The following CRYBA4 variants were observed in gnomAD, a reference collection of about 807,000 sequenced individuals.
The protein encoded by CRYBA4 is crystallin beta A4.
CRYBA4 carries 30 observed loss-of-function variants against 31.7 expected under a neutral mutation model. That is an observed-to-expected ratio of 0.95 (90% CI 0.71 to 1.28). CRYBA4 has a LOEUF of 1.28. Among genes scored for constraint, CRYBA4 ranks in the 50% most tolerant of loss-of-function variants. CRYBA4 has a pLI of 0.00. For synonymous variants in CRYBA4, 102 were observed against 102.3 expected, an observed-to-expected ratio of 1.00 and a Z score of 0.02; for missense variants, 225 against 260.7, an observed-to-expected ratio of 0.86 and a Z score of 0.94.
chr22:26,627,704 A>T (rs1206492971), intron 4 of CRYBA4, among the ~76,000 whole-genome samples: 1 of 147,366 alleles, frequency 6.8e-6, no homozygotes, highest in Non-Finnish European at 1.5e-5. Context: ...GCTGGAGTGC[A>T]ATGCCACAAT....
chr22:26,623,337 A>G lies in CRYBA4; in HGVS notation c.143A>G (p.Lys48Arg). 6.2e-7 allele frequency: 1 copy of G among 1,613,838 alleles called. No individual in the cohort carries two copies. The highest frequency in any genetic ancestry group is 8.5e-7 in the Non-Finnish European group (1 of 1,179,808). Reference protein sequence around the residue: ...ELGFETVRSLKVLSGAWVGFE... With the variant: ...ELGFETVRSLRVLSGAWVGFE... ...GGCTTCGAGACTGTGCGATCTTTGAAAGTGCTGAGTGGAGCGTGAGTCTAG... is the reference window on the plus strand; with the variant it reads ...GGCTTCGAGACTGTGCGATCTTTGAGAGTGCTGAGTGGAGCGTGAGTCTAG... The change falls in exon 3 of 6, where the codon AAA (lysine) becomes AGA (arginine). Residue 48 changes from lysine (K) to arginine (R), a missense_variant. Transcript: ENST00000354760.
chr22:26,612,597 C>G, the CRYBA4 span, among the ~76,000 whole-genome samples: 1 of 152,198 alleles, frequency 6.6e-6, no homozygotes, highest in East Asian at 1.9e-4. Context: ...AAATGATTGG[C>G]CTGCCTTGGC....
the CRYBA4 span, chr22:26,612,305 CCA>C: frequency 2.3e-5 from 16 of 708,092 alleles, no homozygotes; most frequent in Non-Finnish European, 4.1e-5. Flanking sequence ...GTGTGATGAG[CCA>C]CAGTTTGTGA....
chr22:26,622,253 T>G (rs1467390516), intron 1 of CRYBA4, among the ~76,000 whole-genome samples: 1 of 152,164 alleles, frequency 6.6e-6, no homozygotes, highest in Non-Finnish European at 1.5e-5. Flanking sequence ...GGCTCTCTTA[T>G]GCTGAGCATT....
rs752825164 is a variant in CRYBA4 at position 26,630,470 on chromosome 22, C to T, written c.574C>T (p.Arg192Cys). ...HAPTFQVQSI[R>C]RIQQ is the part of the protein sequence containing the mutation. ...CCCGACCTTCCAGGTGCAGAGCATC[C>T]GCAGGATCCAGCAGTGAACAGGGGT... Residue 192 changes from arginine to cysteine, a missense_variant, in exon 6 of 6, where the codon CGC (arginine) becomes TGC (cysteine). By Grantham distance (180) the Arg-to-Cys change is radical (BLOSUM62 -3). Transcript: ENST00000354760. 8.1e-6 allele frequency: 13 copies of T among 1,613,780 alleles called. No homozygotes were observed. Among genetic ancestry groups the T allele is most frequent in the South Asian group, 3.3e-5 (3 of 91,036 alleles).
chr22:26,613,602 C>T, the CRYBA4 span, among the ~76,000 whole-genome samples: 3 of 152,218 alleles, frequency 2.0e-5, no homozygotes, highest in Admixed American at 2.0e-4. Context: ...TTGTGCTTTC[C>T]TATGCCTGTC....
chr22:26,607,360 C>A, the CRYBA4 span, among the ~76,000 whole-genome samples: 1 of 151,948 alleles, frequency 6.6e-6, no homozygotes, highest in Admixed American at 6.6e-5. Context: ...GATCTGCAAC[C>A]AGCATGTTTG....
chr22:26,617,240 T>C (rs1354416854), upstream of CRYBA4, among the ~76,000 whole-genome samples: 1 of 152,178 alleles, frequency 6.6e-6, no homozygotes, highest in Non-Finnish European at 1.5e-5. Flanking sequence ...TTTGGGGTCG[T>C]GGACTCCTTT....
At chr22:26,626,610 T>A (rs1217086501) in intron 4 of CRYBA4, among the ~76,000 whole-genome samples, 2 of 152,190 alleles carry the variant, frequency 1.3e-5, no homozygotes, top group Non-Finnish European at 2.9e-5. Flanking sequence ...ATTTTGAATA[T>A]TTTCCCCAGA....
intron 5 of CRYBA4, among the ~76,000 whole-genome samples, chr22:26,629,516 C>T (rs1321203399): frequency 3.3e-5 from 5 of 151,662 alleles, no homozygotes; most frequent in Non-Finnish European, 5.9e-5. Flanking sequence ...CTGAGGTGGG[C>T]GGATCACCTG....
At chr22:26,620,613 C>T (rs1161275337), upstream of CRYBA4, among the ~76,000 whole-genome samples, 1 of 129,422 alleles carries the variant, frequency 7.7e-6, no homozygotes, top group African/African-American at 3.0e-5. Context: ...CACCCAGGGT[C>T]AAGAGAAATG....
At chr22:26,601,582 G>A in the CRYBA4 span, among the ~76,000 whole-genome samples, 3 of 144,268 alleles carry the variant, frequency 2.1e-5, no homozygotes, top group Non-Finnish European at 4.6e-5. Flanking sequence ...CATCAGCGCC[G>A]GCCCTTTTAG....
upstream of CRYBA4, among the ~76,000 whole-genome samples, chr22:26,619,643 C>T (rs1929469071): frequency 6.6e-6 from 1 of 152,254 alleles, no homozygotes; most frequent in African/African-American, 2.4e-5. Flanking sequence ...CACCACCCAG[C>T]ACCCCCTCGC....
chr22:26,602,368 G>C, the CRYBA4 span, among the ~76,000 whole-genome samples: 1 of 152,088 alleles, frequency 6.6e-6, no homozygotes, highest in Non-Finnish European at 1.5e-5. Flanking sequence ...AGGACTGCTT[G>C]AGGCCAAGGG....
At chr22:26,625,666 C>T (rs1929683418) in intron 4 of CRYBA4, 44 bp downstream of exon 4, 1 of 1,597,728 alleles carries the variant, frequency 6.3e-7, no homozygotes, top group Non-Finnish European at 8.6e-7. Flanking sequence ...CCAAGCCCCT[C>T]ATGTGGGCAC....
intron 4 of CRYBA4, among the ~76,000 whole-genome samples, chr22:26,627,111 A>G (rs967384797): frequency 6.6e-6 from 1 of 152,132 alleles, no homozygotes; most frequent in Non-Finnish European, 1.5e-5. Flanking sequence ...ACAATCCCTC[A>G]TTCCCAGCAG....
At chr22:26,626,334 A>T (rs1448405451) in intron 4 of CRYBA4, among the ~76,000 whole-genome samples, 2 of 152,164 alleles carry the variant, frequency 1.3e-5, no homozygotes, top group African/African-American at 4.8e-5. Context: ...AACCCGGGAG[A>T]CAGAGGTTGC....
At chr22:26,616,397 G>T in the CRYBA4 span, 1 of 1,141,758 alleles carries the variant, frequency 8.8e-7, no homozygotes, top group Non-Finnish European at 1.3e-6. Flanking sequence ...TGCCCTCATA[G>T]CCCCACATCC....
At chr22:26,599,393 A>G in the CRYBA4 span, 1 of 1,271,066 alleles carries the variant, frequency 7.9e-7, no homozygotes, top group Non-Finnish European at 1.1e-6. Context: ...TCCAGGAGAA[A>G]TTTTGGCTTT....
Sources: gnomAD v4.1 joint callset for allele counts (sites outside exome capture counted in the v4.1 genomes callset) on GRCh38, gnomAD v4.1.1 for gene constraint, MANE v1.5 for transcripts, NCBI Gene and HGNC (gene_info 2026-07-23, HGNC 2026-07-21) for gene names.